UPF1: variants seen among roughly 807,000 people sequenced by gnomAD.
The protein encoded by UPF1 is regulator of nonsense transcripts 1.
UPF1 carries 9 observed loss-of-function variants against 129.2 expected under a neutral mutation model. The ratio of observed to expected loss-of-function variants is 0.07; its 90% CI spans 0.04 to 0.12. The LOEUF (loss-of-function observed/expected upper bound fraction) is 0.12. UPF1 is among the 10% of genes least tolerant of loss of function. UPF1 has a pLI of 1.00. For missense variants in UPF1, 788 were observed against 1,525.3 expected (o/e 0.52, Z 8.05); for synonymous variants, 649 against 644.9 (o/e 1.01, Z -0.10).
intron 3 of UPF1, chr19:18,849,558 CT>C: frequency 6.0e-6 from 1 of 168,058 alleles, no homozygotes; most frequent in South Asian, 1.3e-4. Flanking sequence ...AACCTTTTTG[CT>C]GCTTTTTGCG....
At chr19:18,846,146 C>T in intron 2 of UPF1, 27 bp downstream of exon 2, 1 of 1,612,818 alleles carries the variant, frequency 6.2e-7, no homozygotes, top group Non-Finnish European at 8.5e-7. Flanking sequence ...TGGGCCTGGG[C>T]ATGTGCTGGA....
At chr19:18,862,185 C>T (rs773227212) in intron 18 of UPF1, 33 bp downstream of exon 18, 43 of 1,606,652 alleles carry the variant, frequency 2.7e-5, no homozygotes, top group African/African-American at 6.7e-5. Flanking sequence ...GCTGCCCAGC[C>T]GCTCATCGGT....
intron 19 of UPF1, 67 bp from the exon 20 acceptor site, chr19:18,864,102 AC>A: frequency 7.0e-7 from 1 of 1,435,846 alleles, no homozygotes; most frequent in Admixed American, 1.7e-5. Flanking sequence ...CTCCCAGGCC[AC>A]CGGGCCCGTG....
rs1433798398 is a variant in UPF1, at chr19:18,864,234, A to G, written c.2840A>G (p.Tyr947Cys). ...AREAIIPGSVYDRSSQGRPSS... is the reference protein window; with the variant it reads ...AREAIIPGSVCDRSSQGRPSS... ...GAGGCCATCATCCCAGGCTCCGTCT[A>G]TGATCGGAGCAGCCAGGGTGAGTCG... is the stretch of plus-strand genomic sequence containing the variant. The change falls in exon 20 of 24, where the codon TAT becomes TGT. Residue 947 changes from tyrosine to cysteine, a missense_variant. Around this residue, in one of 6 missense-constraint regions of UPF1, gnomAD observed 218 missense variants for 318.1 expected, o/e 0.69. Transcript: ENST00000262803. 1.2e-6 allele frequency: 2 copies of G among 1,613,432 alleles called. No individual in the cohort carries two copies. Among genetic ancestry groups the G allele is most frequent in the Non-Finnish European group, 1.7e-6 (2 of 1,179,582 alleles).
chr19:18,865,562 G>A lies in UPF1; in HGVS notation c.3021G>A (p.Gly1007=). Residue 1007 remains glycine (G), a splice_region_variant and synonymous_variant, in exon 22 of 24, where the codon GGG becomes GGA. Coordinates refer to ENST00000262803, the MANE Select transcript of UPF1 (RefSeq NM_002911.4). This position sits in a 1 kb window ranked among gnomAD's most constrained non-coding sequence, Gnocchi z 6.1. Reference sequence around the variant, plus strand: ...TCACCCTGGACTGCTGTCTTTCAGGGCGAGGCACCCCGAAAGGCAAGACTG... The same window carrying A: ...TCACCCTGGACTGCTGTCTTTCAGGACGAGGCACCCCGAAAGGCAAGACTG... ...YFGQANGPAA[G]RGTPKGKTGR... is the part of the protein sequence containing the mutation. 6.2e-7 allele frequency: 1 copy of A among 1,613,928 alleles called. No individual in the cohort carries two copies. Among genetic ancestry groups the A allele is most frequent in the African/African-American group, 1.3e-5 (1 of 75,066 alleles).
Position 18,865,270 on chromosome 19 carries a change from G to A in UPF1, c.2858-19G>A, listed in dbSNP as rs1270753768. The A allele has an allele frequency of 6.3e-7, 1 of 1,593,354 alleles. No homozygotes were observed. Among genetic ancestry groups the A allele is most frequent in the Middle Eastern group, 1.7e-4 (1 of 5,996 alleles). ...GACCGAGGCAGGTGACACCTGCCGT[G>A]TTCCACTGTGATTTGCAGGCCGGCC... On this transcript the variant is annotated intron_variant, in intron 20 of 23. Coordinates refer to ENST00000262803, the MANE Select transcript of UPF1 (RefSeq NM_002911.4). The surrounding 1 kb of genome is among the most constrained non-coding windows in gnomAD (Gnocchi z 6.1).
At chr19:18,863,119 C>T (rs981579192) in intron 18 of UPF1, 1 of 271,606 alleles carries the variant, frequency 3.7e-6, no homozygotes, top group African/African-American at 2.2e-5. Flanking sequence ...TGCTGGGGGC[C>T]CTGTGGGGCC....
intron 3 of UPF1, 30 bp downstream of exon 3, chr19:18,847,863 A>C: frequency 6.2e-7 from 1 of 1,602,008 alleles, no homozygotes; most frequent in Non-Finnish European, 8.6e-7. Flanking sequence ...ATGTGTGTTT[A>C]ATCAGTGCTG....
chr19:18,850,392 G>GTT lies in UPF1; in HGVS notation c.629+152_629+153dup, dbSNP rs1246033411. 1.2e-5 allele frequency: 14 copies of GTT among 1,183,704 alleles called. No individual in the cohort carries two copies. Among genetic ancestry groups the GTT allele is most frequent in the African/African-American group, 1.5e-5 (1 of 64,766 alleles). The allele number at this position is 1,183,704 out of a possible 1,614,324, so 73.3% of individuals were successfully genotyped here. ...TTGCTGAAGGGTGAGGCATGAGAGC[G>GTT]TTTAGGCGCTGAGGCTTGTTAAGGA... On this transcript the variant is annotated intron_variant, in intron 4 of 23. Transcript: ENST00000262803. This position sits in a 1 kb window ranked among gnomAD's most constrained non-coding sequence, Gnocchi z 7.1.
intron 8 of UPF1, 86 bp from the exon 9 acceptor site, chr19:18,854,515 A>C: frequency 9.3e-7 from 1 of 1,078,028 alleles, no homozygotes; most frequent in African/African-American, 1.6e-5. Context: ...AATTTTAAAA[A>C]CGCTGTTTAA....
chr19:18,860,460 G>A lies in UPF1; in HGVS notation c.2300+22G>A, dbSNP rs114773181. On this transcript the variant is annotated intron_variant, in intron 16 of 23. Coordinates refer to ENST00000262803, the MANE Select transcript of UPF1 (RefSeq NM_002911.4). ...ACAGGTGAGCAGGGACAGGCCCACC[G>A]GCGTCTGCAGGTCTTGGGGACAGCT... is the stretch of plus-strand genomic sequence containing the variant. 1,137 of 1,606,050 alleles carry A rather than the reference G, an allele frequency of 7.1e-4. 7 individuals are homozygous for A. The African/African-American group carries it at 0.014, about 19-fold the overall frequency.
intron 1 of UPF1, among the ~76,000 whole-genome samples, chr19:18,844,264 C>A (rs921876068): frequency 9.3e-6 from 1 of 107,972 alleles, no homozygotes; most frequent in Non-Finnish European, 1.7e-5. Context: ...GTGTCCAGAG[C>A]AGAGGTGATG....
Position 18,864,239 on chromosome 19 carries a change from C to G in UPF1, c.2845C>G (p.Arg949Gly), listed in dbSNP as rs1011803969. 1 of 1,613,026 alleles carries G rather than the reference C, an allele frequency of 6.2e-7. No homozygotes were observed. Among genetic ancestry groups the G allele is most frequent in the Non-Finnish European group, 8.5e-7 (1 of 1,179,398 alleles). Reference protein sequence around the residue: ...EAIIPGSVYDRSSQGRPSSMY... With the variant: ...EAIIPGSVYDGSSQGRPSSMY... ...CATCATCCCAGGCTCCGTCTATGAT[C>G]GGAGCAGCCAGGGTGAGTCGCTCAG... is the stretch of plus-strand genomic sequence containing the variant. The change falls in exon 20 of 24, where the codon CGG becomes GGG. Residue 949 changes from arginine (R) to glycine (G), a missense_variant. Physicochemically the swap from Arg to Gly is moderately radical, Grantham distance 125 (BLOSUM62 -2). This residue lies in a region of UPF1 where 218 missense variants were observed against 318.1 expected (regional missense o/e 0.69). Transcript: ENST00000262803.
chr19:18,864,739 T>TTTG (rs1555701072), intron 20 of UPF1, among the ~76,000 whole-genome samples: 1 of 138,202 alleles, frequency 7.2e-6, no homozygotes, highest in Non-Finnish European at 1.6e-5. Flanking sequence ...AGGTGTTTTT[T>TTTG]TTTTTTTTTT....
At chr19:18,838,748 T>C (rs2055509510) in intron 1 of UPF1, among the ~76,000 whole-genome samples, 1 of 152,132 alleles carries the variant, frequency 6.6e-6, no homozygotes, top group Admixed American at 6.5e-5. Flanking sequence ...AAGATGCCGT[T>C]TACCTGGAGG....
Position 18,855,200 on chromosome 19 carries a change from C to A in UPF1, c.1502C>A (p.Thr501Lys), listed in dbSNP as rs766944357. Residue 501 changes from threonine to lysine, a missense_variant, in exon 11 of 24, where the codon ACG (threonine) becomes AAG (lysine). By Grantham distance (78) the Thr-to-Lys change is moderately conservative. Transcript: ENST00000262803. ...CCGCCAGGCACGGGGAAGACGGTGA[C>A]GTCGGCCACCATCGTCTACCACCTG... The part of the protein sequence containing the change: ...QGPPGTGKTV[T>K]SATIVYHLAR... 1 of 1,613,106 alleles carries A rather than the reference C, an allele frequency of 6.2e-7. No individual in the cohort carries two copies. The highest frequency in any genetic ancestry group is 8.5e-7 in the Non-Finnish European group (1 of 1,179,992).
intron 1 of UPF1, among the ~76,000 whole-genome samples, chr19:18,838,526 T>A (rs1213007001): frequency 2.6e-5 from 4 of 152,164 alleles, no homozygotes; most frequent in Middle Eastern, 3.2e-3. Context: ...CACATGCCTG[T>A]AATCCCAGTT....
chr19:18,858,546 A>T lies in UPF1; in HGVS notation c.2182+1013A>T, dbSNP rs182407506. ...GGCCTGCAGAAACCCACCTTTGTCC[A>T]GCTTGATGTGGCCTCAGGGCTGGAG... On this transcript the variant is annotated intron_variant, in intron 15 of 23. Coordinates refer to ENST00000262803, the MANE Select transcript of UPF1 (RefSeq NM_002911.4). Among the ~76,000 whole-genome samples, 4 of 152,194 alleles carry T rather than the reference A, an allele frequency of 2.6e-5. No individual in the cohort carries two copies. In the East Asian group the frequency reaches 7.7e-4, roughly 29 times the overall value.
At chr19:18,836,145 A>G (rs2055481420) in intron 1 of UPF1, among the ~76,000 whole-genome samples, 1 of 152,244 alleles carries the variant, frequency 6.6e-6, no homozygotes. Context: ...ATACAGGGAC[A>G]GTTTTCGAGC....
Sources: gnomAD v4.1 joint callset for allele counts (sites outside exome capture counted in the v4.1 genomes callset) on GRCh38, gnomAD v4.1.1 for gene constraint, gnomAD v4.1.1 regional missense constraint, Gnocchi (gnomAD v3.1) non-coding constraint, MANE v1.5 for transcripts, NCBI Gene and HGNC (gene_info 2026-07-23, HGNC 2026-07-21) for gene names.